The following ZNF264 variants were observed in gnomAD, a reference collection of about 807,000 sequenced individuals.
The protein encoded by ZNF264 is zinc finger protein 264.
ZNF264 carries 11 observed loss-of-function variants against 11.2 expected under a neutral mutation model. The observed-to-expected ratio is 0.98, with a 90% CI of 0.62 to 1.63. ZNF264 has a LOEUF of 1.63. Among genes scored for constraint, ZNF264 ranks in the 40% most tolerant of loss-of-function variants. The pLI is 0.00. For synonymous variants in ZNF264, 309 were observed against 279.8 expected, an observed-to-expected ratio of 1.10 and a Z score of -1.04; for missense variants, 752 against 768.1, an observed-to-expected ratio of 0.98 and a Z score of 0.25.
Position 57,191,918 on chromosome 19 carries a change from C to T in ZNF264, c.5C>T (p.Ala2Val), listed in dbSNP as rs776439848. The T allele has an allele frequency of 4.6e-6, 7 of 1,516,952 alleles. No individual in the cohort carries two copies. The highest frequency in any genetic ancestry group is 2.6e-5 in the East Asian group (1 of 38,648). 94.0% of individuals were successfully genotyped at this position (1,516,952 alleles called of 1,614,324 possible). The change falls in exon 1 of 4, where the codon GCG (alanine) becomes GTG (valine). Residue 2 changes from alanine (A) to valine (V), a missense_variant. By Grantham distance (64) the Ala-to-Val change is moderately conservative. Coordinates refer to ENST00000263095, the MANE Select transcript of ZNF264 (RefSeq NM_003417.5). M[A>V]AAVLTDRAQV... ...TGCGGCCCAGGGGGTGACGTGATGGCGGCAGCGGTGCTGACGGACCGGGCC... is the reference window on the plus strand; with the variant it reads ...TGCGGCCCAGGGGGTGACGTGATGGTGGCAGCGGTGCTGACGGACCGGGCC...
At chr19:57,200,165 T>C (rs2087240957) in intron 2 of ZNF264, among the ~76,000 whole-genome samples, 1 of 151,728 alleles carries the variant, frequency 6.6e-6, no homozygotes, top group Admixed American at 6.6e-5. Context: ...GTCATGTGAG[T>C]GGCTGACCTG....
rs574298140 is a variant in ZNF264 at position 57,191,664 on chromosome 19, C to T, written c.-250C>T. 7.6e-6 allele frequency: 3 copies of T among 392,886 alleles called. No individual in the cohort carries two copies. Among genetic ancestry groups the T allele is most frequent in the African/African-American group, 4.1e-5 (2 of 48,258 alleles). 24.3% of individuals were successfully genotyped at this position (392,886 alleles called of 1,614,324 possible). On this transcript the variant is annotated 5_prime_UTR_variant, in exon 1 of 4. Coordinates refer to ENST00000263095, the MANE Select transcript of ZNF264 (RefSeq NM_003417.5). Reference sequence around the variant, plus strand: ...TTCCGTGGGTTTGTTCCTGGGTCGCCGTCAAGCTGCGGTCTCTCCTCCCCC... The same window carrying T: ...TTCCGTGGGTTTGTTCCTGGGTCGCTGTCAAGCTGCGGTCTCTCCTCCCCC...
Position 57,215,677 on chromosome 19 carries a change from A to G in ZNF264, c.*2696A>G, listed in dbSNP as rs962997794. ...GCATTACATTGTATAAATTTACCTCATATCACTATTGGTTTGATCCCACAA... is the reference window on the plus strand; with the variant it reads ...GCATTACATTGTATAAATTTACCTCGTATCACTATTGGTTTGATCCCACAA... On this transcript the variant is annotated 3_prime_UTR_variant, in exon 4 of 4. Transcript: ENST00000263095. 1.3e-5 allele frequency: 2 copies of G among 152,152 alleles called. No homozygotes were observed. Among genetic ancestry groups the G allele is most frequent in the African/African-American group, 4.8e-5 (2 of 41,430 alleles). 9.4% of individuals were successfully genotyped at this position (152,152 alleles called of 1,614,324 possible). A position where few individuals can be genotyped will look rare whatever the true frequency, so the allele number is the denominator to read the frequency against.
At position 57,217,326 on chromosome 19, in the gene ZNF264, A is replaced by G. The variant is rs891332886; in HGVS notation, c.*4345A>G. On this transcript the variant is annotated 3_prime_UTR_variant, in exon 4 of 4. Coordinates refer to ENST00000263095, the MANE Select transcript of ZNF264 (RefSeq NM_003417.5). ...ATCAGCAATTTAGCACTTTACTTCC[A>G]TTAGGTTCCTTTAGCTTACCTACTA... 2 of 152,178 alleles carry G rather than the reference A, an allele frequency of 1.3e-5. No homozygotes were observed. The highest frequency in any genetic ancestry group is 4.8e-5 in the African/African-American group (2 of 41,450). The allele number at this position is 152,178 out of a possible 1,614,324, so 9.4% of individuals were successfully genotyped here. A position where few individuals can be genotyped will look rare whatever the true frequency, so the allele number is the denominator to read the frequency against.
intron 2 of ZNF264, among the ~76,000 whole-genome samples, chr19:57,203,029 A>G (rs764320138): frequency 6.6e-6 from 1 of 152,096 alleles, no homozygotes; most frequent in Non-Finnish European, 1.5e-5. Context: ...CCCCCCACAC[A>G]TTTGGTCATA....
At chr19:57,193,517 C>T in intron 1 of ZNF264, 8 of 985,388 alleles carry the variant, frequency 8.1e-6, no homozygotes, top group Non-Finnish European at 9.6e-6. Flanking sequence ...GGGGCAGGCA[C>T]CTAGCTGGAC....
Position 57,213,431 on chromosome 19 carries a change from G to A in ZNF264, c.*450G>A, listed in dbSNP as rs1259050109. ...ATTCCACAATAGTACTTACTCTTGA[G>A]AAGCATAACTTTATGACAACTTAGG... On this transcript the variant is annotated 3_prime_UTR_variant, in exon 4 of 4. Coordinates refer to ENST00000263095, the MANE Select transcript of ZNF264 (RefSeq NM_003417.5). The A allele has an allele frequency of 6.3e-6, 1 of 157,784 alleles. No homozygotes were observed. The highest frequency in any genetic ancestry group is 2.4e-5 in the African/African-American group (1 of 41,462). 9.8% of individuals were successfully genotyped at this position (157,784 alleles called of 1,614,324 possible).
intron 1 of ZNF264, among the ~76,000 whole-genome samples, chr19:57,192,842 C>G (rs1342776377): frequency 6.6e-6 from 1 of 152,114 alleles, no homozygotes; most frequent in Non-Finnish European, 1.5e-5. Context: ...AGCAATTCTC[C>G]TGCCCCAGCC....
intron 2 of ZNF264, chr19:57,194,644 T>C: frequency 2.6e-6 from 1 of 383,506 alleles, no homozygotes; most frequent in Non-Finnish European, 4.6e-6. Context: ...TCTAGTCTTT[T>C]CATGTATTTC....
intron 3 of ZNF264, among the ~76,000 whole-genome samples, chr19:57,210,673 A>G (rs2087327782): frequency 6.6e-6 from 1 of 152,216 alleles, no homozygotes; most frequent in Non-Finnish European, 1.5e-5. Context: ...CTCGGTCTCC[A>G]GCGTGCCATC....
chr19:57,192,856 C>G (rs530953982), intron 1 of ZNF264, among the ~76,000 whole-genome samples: 110 of 152,106 alleles, frequency 7.2e-4, no homozygotes, highest in African/African-American at 2.6e-3. Flanking sequence ...CCCAGCCTGC[C>G]GAGTAGTTGG....
rs2087378646 is a variant in ZNF264, at chr19:57,216,144, A to C, written c.*3163A>C. The C allele has an allele frequency of 6.6e-6, 1 of 152,284 alleles. No homozygotes were observed. The allele number at this position is 152,284 out of a possible 1,614,324, so 9.4% of individuals were successfully genotyped here. ...TAAGGCAGGTGGATCACCTGAGGCC[A>C]GGAGTTCGAGACCAGCCTGGCCAAC... is the stretch of plus-strand genomic sequence containing the variant. On this transcript the variant is annotated 3_prime_UTR_variant, in exon 4 of 4. Transcript: ENST00000263095.
intron 2 of ZNF264, among the ~76,000 whole-genome samples, chr19:57,202,376 GAAAGCCTTT>G (rs1405245281): frequency 6.6e-6 from 1 of 151,936 alleles, no homozygotes; most frequent in Non-Finnish European, 1.5e-5. Context: ...CAGGGGAGGA[GAAAGCCTTT>G]AACTGGGTGT....
At chr19:57,207,400 A>C (rs897827417) in intron 3 of ZNF264, among the ~76,000 whole-genome samples, 1 of 152,122 alleles carries the variant, frequency 6.6e-6, no homozygotes, top group Non-Finnish European at 1.5e-5. Flanking sequence ...TTACTGGAAG[A>C]GGTCTTGCCC....
Position 57,215,480 on chromosome 19 carries a change from C to T in ZNF264, c.*2499C>T, listed in dbSNP as rs1167270284. 6.6e-6 allele frequency: 1 copy of T among 152,172 alleles called. No individual in the cohort carries two copies. The highest frequency in any genetic ancestry group is 1.5e-5 in the Non-Finnish European group (1 of 68,020). The allele number at this position is 152,172 out of a possible 1,614,324, so 9.4% of individuals were successfully genotyped here. On this transcript the variant is annotated 3_prime_UTR_variant, in exon 4 of 4. Coordinates refer to ENST00000263095, the MANE Select transcript of ZNF264 (RefSeq NM_003417.5). ...GATGTAATTTTTGCTTCATCTCTCA[C>T]TTCAGAGAACTAGCACTTTATATTA... is the stretch of plus-strand genomic sequence containing the variant.
chr19:57,192,609 A>G (rs2087182644), intron 1 of ZNF264: 1 of 977,446 alleles, frequency 1.0e-6, no homozygotes. Flanking sequence ...TGGGAGACCC[A>G]GGGAGATCCC....
chr19:57,209,219 G>A (rs529356023), intron 3 of ZNF264, among the ~76,000 whole-genome samples: 3 of 151,490 alleles, frequency 2.0e-5, no homozygotes, highest in African/African-American at 7.3e-5. Context: ...TTTTTGTCTT[G>A]TATAAAAAAT....
rs887624602 is a variant in ZNF264 at position 57,221,306 on chromosome 19, C to T, written c.*8325C>T. On this transcript the variant is annotated 3_prime_UTR_variant, in exon 4 of 4. Transcript: ENST00000263095. ...CTTCATGATCCACCCGCCTCGGCCT[C>T]CCAAAGTGCTGGGATTACAGGCGTG... 2.0e-5 allele frequency: 3 copies of T among 152,258 alleles called. No individual in the cohort carries two copies. The highest frequency in any genetic ancestry group is 7.2e-5 in the African/African-American group (3 of 41,430). 9.4% of individuals were successfully genotyped at this position (152,258 alleles called of 1,614,324 possible).
intron 2 of ZNF264, among the ~76,000 whole-genome samples, chr19:57,198,444 G>A (rs187257447): frequency 4.5e-4 from 68 of 152,038 alleles, no homozygotes; most frequent in African/African-American, 1.6e-3. Context: ...TCTAGGTAGA[G>A]GTGGCTCTAA....
Sources: allele counts gnomAD v4.1 joint callset (sites outside exome capture counted in the v4.1 genomes callset), GRCh38; gene constraint gnomAD v4.1.1; transcripts MANE v1.5; gene names NCBI Gene and HGNC (gene_info 2026-07-23, HGNC 2026-07-21).